DLGAP1: variants seen among roughly 807,000 people sequenced by gnomAD.
DLGAP1 encodes the protein disks large-associated protein 1.
Under a neutral mutation model 90.8 loss-of-function variants are expected in DLGAP1, and 11 were observed. The observed-to-expected ratio is 0.12, with a 90% confidence interval of 0.08 to 0.20. The LOEUF (loss-of-function observed/expected upper bound fraction) is 0.20, where lower values mean the gene tolerates loss of function less well. Among genes scored for constraint, DLGAP1 ranks in the 10% least tolerant of loss-of-function variants. The probability of loss-of-function intolerance (pLI) is 1.00; values close to 1 mark genes in which losing one functional copy is unlikely to be tolerated. For missense variants in DLGAP1, 1,050 were observed against 1,333.8 expected (o/e 0.79, Z 3.31); for synonymous variants, 558 against 540.7 (o/e 1.03, Z -0.44).
At chr18:4,364,069 T>C (rs1452295142) in intron 1 of DLGAP1, among the ~76,000 whole-genome samples, 1 of 151,638 alleles carries the variant, frequency 6.6e-6, no homozygotes, top group Non-Finnish European at 1.5e-5. Flanking sequence ...TGGAATACTA[T>C]GCAGCCATAA....
chr18:4,173,080 C>A (rs1006377583), intron 1 of DLGAP1, among the ~76,000 whole-genome samples: 1 of 152,114 alleles, frequency 6.6e-6, no homozygotes, highest in African/African-American at 2.4e-5. Context: ...GGTTAGAAAT[C>A]CACATAATCA....
intron 3 of DLGAP1, among the ~76,000 whole-genome samples, chr18:3,938,689 T>C (rs755322492): frequency 1.3e-5 from 2 of 152,112 alleles, no homozygotes; most frequent in Non-Finnish European, 2.9e-5. Flanking sequence ...GCTGGAGCAT[T>C]GGAAGCAAGG....
At chr18:4,075,325 T>C (rs541593009) in intron 2 of DLGAP1, among the ~76,000 whole-genome samples, 2 of 152,208 alleles carry the variant, frequency 1.3e-5, no homozygotes, top group Non-Finnish European at 2.9e-5. Context: ...TCAACCTTTC[T>C]CTACAGTGTA....
rs887173756 is a variant in DLGAP1, at chr18:4,378,942, G to C, written c.-267+76064C>G. Among the ~76,000 whole-genome samples the C allele has an allele frequency of 1.3e-5, 2 of 152,106 alleles. No homozygotes were observed. Among genetic ancestry groups the C allele is most frequent in the South Asian group, 2.1e-4 (1 of 4,832 alleles). On this transcript the variant is annotated intron_variant, in intron 1 of 12. Transcript: ENST00000315677. The surrounding 1 kb of genome is among the most constrained non-coding windows in gnomAD (Gnocchi z 4.5). ...CACACCCACCACTCCCCTCCAGAGAGAGTGAGTCCCTGCTTATCCATGTTC... is the reference window on the plus strand; with the variant it reads ...CACACCCACCACTCCCCTCCAGAGACAGTGAGTCCCTGCTTATCCATGTTC...
chr18:4,130,900 A>C (rs2076303479), intron 2 of DLGAP1, among the ~76,000 whole-genome samples: 1 of 151,924 alleles, frequency 6.6e-6, no homozygotes, highest in South Asian at 2.1e-4. Context: ...AAAATCATCC[A>C]CTCTGATTGG....
intron 7 of DLGAP1, among the ~76,000 whole-genome samples, chr18:3,684,349 C>T (rs2060626093): frequency 7.2e-6 from 1 of 139,842 alleles, no homozygotes; most frequent in South Asian, 2.3e-4. Flanking sequence ...ACCACCATGC[C>T]TGGCTAATTT....
intron 4 of DLGAP1, among the ~76,000 whole-genome samples, chr18:3,851,315 G>A (rs370204716): frequency 2.6e-5 from 4 of 152,152 alleles, no homozygotes; most frequent in Non-Finnish European, 4.4e-5. Flanking sequence ...TGAAAGTGAC[G>A]GCATCATTTG....
chr18:3,624,030 C>T (rs1489326517), intron 7 of DLGAP1, among the ~76,000 whole-genome samples: 1 of 152,132 alleles, frequency 6.6e-6, no homozygotes, highest in African/African-American at 2.4e-5. Flanking sequence ...GCTCCAGCAG[C>T]GGAAGTAAGG....
In DLGAP1 at chr18:4,422,672, C is replaced by T. The variant is rs538646523; in HGVS notation, c.-267+32334G>A. Among the ~76,000 whole-genome samples, 3 of 152,096 alleles carry T rather than the reference C, an allele frequency of 2.0e-5. No homozygotes were observed. The South Asian group carries it at 6.2e-4, about 32-fold the overall frequency. On this transcript the variant is annotated intron_variant, in intron 1 of 12. Coordinates refer to ENST00000315677, the MANE Select transcript of DLGAP1 (RefSeq NM_004746.4). ...AAATTTGAAATATTTATTTCCTAAA[C>T]ATCACAAAGTCCAAACATCGAAGAA...
chr18:4,047,435 G>A (rs2075070645), intron 2 of DLGAP1, among the ~76,000 whole-genome samples: 2 of 152,268 alleles, frequency 1.3e-5, no homozygotes, highest in African/African-American at 4.8e-5. Flanking sequence ...TCATGATCAA[G>A]CTCTATGTAA....
chr18:4,211,512 C>T (rs561877057), intron 1 of DLGAP1, among the ~76,000 whole-genome samples: 1 of 152,128 alleles, frequency 6.6e-6, no homozygotes, highest in Middle Eastern at 3.4e-3. Context: ...GAGAGTGATA[C>T]CAATTGATGT....
intron 7 of DLGAP1, among the ~76,000 whole-genome samples, chr18:3,661,003 T>C (rs545773212): frequency 9.8e-4 from 150 of 152,346 alleles, no homozygotes; most frequent in African/African-American, 3.3e-3. Context: ...TTCTAAGTTA[T>C]TCCCATGCTG....
intron 4 of DLGAP1, among the ~76,000 whole-genome samples, chr18:3,835,063 A>C (rs2148590053): frequency 6.6e-6 from 1 of 152,348 alleles, no homozygotes; most frequent in African/African-American, 2.4e-5. Context: ...TTATATTCAA[A>C]GTTAAGAAAA....
In DLGAP1 at chr18:3,729,382, G is replaced by A. The variant is rs751472412; in HGVS notation, c.1351-7C>T. 78 of 1,606,526 alleles carry A rather than the reference G, an allele frequency of 4.9e-5. No individual in the cohort carries two copies. The highest frequency in any genetic ancestry group is 6.2e-5 in the Non-Finnish European group (73 of 1,174,306). On this transcript the variant is annotated splice_region_variant and splice_polypyrimidine_tract_variant and intron_variant, in intron 6 of 12. Coordinates refer to ENST00000315677, the MANE Select transcript of DLGAP1 (RefSeq NM_004746.4). This position sits in a 1 kb window ranked among gnomAD's most constrained non-coding sequence, Gnocchi z 6.2. ...TCACTTCCATCTCGCTCACCTGCGG[G>A]CAGACACAGGCGTTGTGACACTCGC... is the stretch of plus-strand genomic sequence containing the variant.
At chr18:4,242,165 TC>T (rs923575505) in intron 1 of DLGAP1, among the ~76,000 whole-genome samples, 34 of 152,296 alleles carry the variant, frequency 2.2e-4, no homozygotes, top group African/African-American at 8.2e-4. Context: ...ATGTGTCTTT[TC>T]ATTACAATAA....
In DLGAP1 at chr18:4,168,994, T is replaced by C. The variant is rs186518256; in HGVS notation, c.-266-17707A>G. On this transcript the variant is annotated intron_variant, in intron 1 of 12. Transcript: ENST00000315677. Reference sequence around the variant, plus strand: ...TTTCCACCTTTTGGCTATTGTGAATTAATATTGCTATGAGCATTAGTATAC... The same window carrying C: ...TTTCCACCTTTTGGCTATTGTGAATCAATATTGCTATGAGCATTAGTATAC... Among the ~76,000 whole-genome samples the C allele has an allele frequency of 1.8e-3, 274 of 152,342 alleles. 1 individual carries two copies. The highest frequency in any genetic ancestry group is 5.5e-3 in the African/African-American group (229 of 41,580).
At chr18:3,931,198 T>A (rs986626949) in intron 3 of DLGAP1, among the ~76,000 whole-genome samples, 4 of 152,192 alleles carry the variant, frequency 2.6e-5, no homozygotes, top group Non-Finnish European at 4.4e-5. Flanking sequence ...TCTCACTGGC[T>A]GTCATTGCCT....
intron 1 of DLGAP1, among the ~76,000 whole-genome samples, chr18:4,241,483 T>G (rs898117277): frequency 6.6e-6 from 1 of 152,184 alleles, no homozygotes; most frequent in Non-Finnish European, 1.5e-5. Flanking sequence ...ACATCAAAGC[T>G]GTGTCAGCTA....
intron 1 of DLGAP1, among the ~76,000 whole-genome samples, chr18:4,265,122 C>T (rs1295038231): frequency 6.6e-6 from 1 of 150,888 alleles, no homozygotes. Context: ...TTCCTTCCTT[C>T]CTTCCTTCCT....
Sources: allele counts gnomAD v4.1 joint callset (sites outside exome capture counted in the v4.1 genomes callset), GRCh38; gene constraint gnomAD v4.1.1; non-coding constraint Gnocchi (gnomAD v3.1); transcripts MANE v1.5; gene names NCBI Gene and HGNC (gene_info 2026-07-23, HGNC 2026-07-21).